The following CYP27A1 variants were observed in gnomAD, a reference collection of about 807,000 sequenced individuals.
CYP27A1 encodes the protein cytochrome P450 family 27 subfamily A member 1, also known as sterol 26-hydroxylase, mitochondrial.
Under a neutral mutation model 58.2 loss-of-function variants are expected in CYP27A1, and 46 were observed. That is an observed-to-expected ratio of 0.79 (90% confidence interval 0.62 to 1.01). The LOEUF is 1.01. Ranked by LOEUF, CYP27A1 falls within the 50% of genes least tolerant of loss-of-function variation. The probability of loss-of-function intolerance (pLI) is 0.00; values close to 1 mark genes in which losing one functional copy is unlikely to be tolerated. For missense variants in CYP27A1, 704 were observed against 687.0 expected (o/e 1.02, Z -0.28); for synonymous variants, 274 against 285.1 (o/e 0.96, Z 0.39).
chr2:218,794,374 C>T (rs1341358413), intron 1 of CYP27A1, among the ~76,000 whole-genome samples: 1 of 152,210 alleles, frequency 6.6e-6, no homozygotes, highest in Non-Finnish European at 1.5e-5. Flanking sequence ...CCCTCAGAGG[C>T]CTAAGGGTCC....
chr2:218,790,655 A>G (rs1176074892), intron 1 of CYP27A1, among the ~76,000 whole-genome samples: 3 of 152,056 alleles, frequency 2.0e-5, no homozygotes, highest in Non-Finnish European at 4.4e-5. Context: ...TATCCTTTAC[A>G]GTAGAATCTG....
Position 218,815,048 on chromosome 2 carries a change from C to A in CYP27A1, c.*18C>A. The stretch of plus-strand genomic sequence containing the variant: ...AGTGCTGAGCTGAGTCTCCGCCTTG[C>A]TGGGGCTTGTCCTAGAGGCTCCAGC... On this transcript the variant is annotated 3_prime_UTR_variant, in exon 9 of 9. Transcript: ENST00000258415. 1.2e-6 allele frequency: 2 copies of A among 1,614,122 alleles called. No individual in the cohort carries two copies. The highest frequency in any genetic ancestry group is 1.7e-6 in the Non-Finnish European group (2 of 1,180,000).
intron 1 of CYP27A1, among the ~76,000 whole-genome samples, chr2:218,792,763 A>G (rs1943505341): frequency 6.6e-6 from 1 of 152,208 alleles, no homozygotes; most frequent in South Asian, 2.1e-4. Context: ...CAATTTTGGA[A>G]CATATATTAA....
chr2:218,800,498 T>TA (rs1337611317), intron 1 of CYP27A1, among the ~76,000 whole-genome samples: 8 of 152,124 alleles, frequency 5.3e-5, no homozygotes, highest in Non-Finnish European at 1.0e-4. Context: ...AAATTACCTT[T>TA]AAAAAAATCA....
rs374122754 is a variant in CYP27A1 at position 218,813,004 on chromosome 2, G to A, written c.925G>A (p.Gly309Ser). The change falls in exon 5 of 9, where the codon GGC becomes AGC. Residue 309 changes from glycine (G) to serine (S), a missense_variant. Physicochemically the swap from Gly to Ser is moderately conservative, Grantham distance 56. Transcript: ENST00000258415. ...AAGPDGIQVS[G>S]YLHFLLASGQ... ...AGGGCCAGATGGCATCCAGGTGTCTGGCTACCTGCACTTCTTACTGGCCAG... is the reference window on the plus strand; with the variant it reads ...AGGGCCAGATGGCATCCAGGTGTCTAGCTACCTGCACTTCTTACTGGCCAG... 1 of 1,614,204 alleles carries A rather than the reference G, an allele frequency of 6.2e-7. No individual in the cohort carries two copies.
At chr2:218,794,443 C>T (rs73990973) in intron 1 of CYP27A1, among the ~76,000 whole-genome samples, 8 of 152,100 alleles carry the variant, frequency 5.3e-5, no homozygotes, top group Non-Finnish European at 1.2e-4. Flanking sequence ...AGTTTGATGG[C>T]CTGAAGGTGA....
At chr2:218,800,289 G>C (rs1943586599) in intron 1 of CYP27A1, among the ~76,000 whole-genome samples, 1 of 152,084 alleles carries the variant, frequency 6.6e-6, no homozygotes, top group Non-Finnish European at 1.5e-5. Flanking sequence ...GCTCAGGGAA[G>C]GCTGAGTCCA....
At chr2:218,810,708 C>T (rs554865881) in intron 2 of CYP27A1, among the ~76,000 whole-genome samples, 5 of 152,144 alleles carry the variant, frequency 3.3e-5, no homozygotes, top group Non-Finnish European at 5.9e-5. Flanking sequence ...TTTGGAACAA[C>T]GTGAAGTCCC....
At chr2:218,792,057 A>G (rs944837549) in intron 1 of CYP27A1, among the ~76,000 whole-genome samples, 1 of 149,092 alleles carries the variant, frequency 6.7e-6, no homozygotes, top group African/African-American at 2.6e-5. Flanking sequence ...AGCAATGTAG[A>G]AGTCACTACA....
chr2:218,812,011 C>T (rs1943721775), intron 2 of CYP27A1, among the ~76,000 whole-genome samples: 2 of 152,200 alleles, frequency 1.3e-5, no homozygotes. Context: ...CCGCCATACC[C>T]ACTTCCACTC....
intron 2 of CYP27A1, among the ~76,000 whole-genome samples, chr2:218,811,859 C>T (rs748592920): frequency 6.6e-6 from 1 of 152,170 alleles, no homozygotes; most frequent in Non-Finnish European, 1.5e-5. Context: ...ATGATGTGAA[C>T]GAGCCTACTC....
rs955265986 is a variant in CYP27A1, at chr2:218,815,230, C to T, written c.*200C>T. 1.6e-5 allele frequency: 10 copies of T among 608,912 alleles called. No individual in the cohort carries two copies. In the African/African-American group the frequency reaches 1.8e-4, roughly 11 times the overall value. 37.7% of individuals were successfully genotyped at this position (608,912 alleles called of 1,614,324 possible). Reference sequence around the variant, plus strand: ...AACTCCCTCTCAGCTAAAAGGCCACCCCTTTATCGCATTGCTGTCCTTGGG... The same window carrying T: ...AACTCCCTCTCAGCTAAAAGGCCACTCCTTTATCGCATTGCTGTCCTTGGG... On this transcript the variant is annotated 3_prime_UTR_variant, in exon 9 of 9. Coordinates refer to ENST00000258415, the MANE Select transcript of CYP27A1 (RefSeq NM_000784.4).
At chr2:218,795,231 A>G (rs971067752) in intron 1 of CYP27A1, among the ~76,000 whole-genome samples, 1 of 152,212 alleles carries the variant, frequency 6.6e-6, no homozygotes, top group Admixed American at 6.5e-5. Flanking sequence ...AACCTCTGTT[A>G]TCATCTGCCT....
At position 218,815,196 on chromosome 2, in the gene CYP27A1, T is replaced by C; in HGVS notation, c.*166T>C. ...CCCTGAGCTTTTGCCACTTCTATCA[T>C]TTTTGAGCAACTCCCTCTCAGCTAA... On this transcript the variant is annotated 3_prime_UTR_variant, in exon 9 of 9. Transcript: ENST00000258415. 1 of 736,788 alleles carries C rather than the reference T, an allele frequency of 1.4e-6. No individual in the cohort carries two copies. The highest frequency in any genetic ancestry group is 2.3e-5 in the Admixed American group (1 of 43,432). 45.6% of individuals were successfully genotyped at this position (736,788 alleles called of 1,614,324 possible).
At position 218,815,154 on chromosome 2, in the gene CYP27A1, G is replaced by A; in HGVS notation, c.*124G>A. ...AGGCCGCCAGACTCGAGAGGTGGGA[G>A]GAACTCCTTGCACACACCCTGAGCT... On this transcript the variant is annotated 3_prime_UTR_variant, in exon 9 of 9. Coordinates refer to ENST00000258415, the MANE Select transcript of CYP27A1 (RefSeq NM_000784.4). The A allele has an allele frequency of 1.7e-6, 2 of 1,188,576 alleles. No homozygotes were observed. The highest frequency in any genetic ancestry group is 1.2e-6 in the Non-Finnish European group (1 of 819,892). 73.6% of individuals were successfully genotyped at this position (1,188,576 alleles called of 1,614,324 possible).
chr2:218,815,273 G>A lies in CYP27A1; in HGVS notation c.*243G>A, dbSNP rs987402367. On this transcript the variant is annotated 3_prime_UTR_variant, in exon 9 of 9. Coordinates refer to ENST00000258415, the MANE Select transcript of CYP27A1 (RefSeq NM_000784.4). ...TCCTTGGGTAGAATATAAAATAAAG[G>A]GACTTTTATTTCTTATTGGAGACCT... is the stretch of plus-strand genomic sequence containing the variant. The A allele has an allele frequency of 1.3e-5, 7 of 523,506 alleles. No homozygotes were observed. The African/African-American group carries it at 1.3e-4, about 10-fold the overall frequency. The allele number at this position is 523,506 out of a possible 1,614,324, so 32.4% of individuals were successfully genotyped here. A position where few individuals can be genotyped will look rare whatever the true frequency, so the allele number is the denominator to read the frequency against.
Position 218,812,384 on chromosome 2 carries a change from G to A in CYP27A1, c.609G>A (p.Ser203=), listed in dbSNP as rs148132118. The part of the protein sequence containing the change: ...RAESASGNQV[S]DMAQLFYYFA... ...AGAGTGCTTCGGGGAACCAGGTGTC[G>A]GACATGGCTCAACTCTTCTACTACT... The change falls in exon 3 of 9, where the codon TCG becomes TCA. Residue 203 remains serine, a synonymous_variant. Transcript: ENST00000258415. The A allele has an allele frequency of 6.6e-5, 107 of 1,614,180 alleles. No homozygotes were observed. In the African/African-American group the frequency reaches 7.9e-4, roughly 12 times the overall value.
At chr2:218,814,496 C>T (rs1164056107) in intron 7 of CYP27A1, 38 bp downstream of exon 7, 3 of 1,613,148 alleles carry the variant, frequency 1.9e-6, no homozygotes, top group South Asian at 2.2e-5. Context: ...CCAGGAGTGC[C>T]CTATGCCCCC....
Position 218,809,756 on chromosome 2 carries a change from G to T in CYP27A1, c.435G>T (p.Gly145=), listed in dbSNP as rs587778796. 9.3e-6 allele frequency: 15 copies of T among 1,613,166 alleles called. No individual in the cohort carries two copies. The East Asian group carries it at 3.3e-4, about 36-fold the overall frequency. The change falls in exon 2 of 9, where the codon GGG becomes GGT. Residue 145 remains glycine (G), a synonymous_variant. Coordinates refer to ENST00000258415, the MANE Select transcript of CYP27A1 (RefSeq NM_000784.4). Reference sequence around the variant, plus strand: ...GGGACCAGCACGACCTGACCTATGGGCCGTTCACCACGTGAGCTGGGGCCT... The same window carrying T: ...GGGACCAGCACGACCTGACCTATGGTCCGTTCACCACGTGAGCTGGGGCCT... ...EHRDQHDLTY[G]PFTTEGHHWY...
Sources: allele counts gnomAD v4.1 joint callset (sites outside exome capture counted in the v4.1 genomes callset), GRCh38; gene constraint gnomAD v4.1.1; transcripts MANE v1.5; gene names NCBI Gene and HGNC (gene_info 2026-07-23, HGNC 2026-07-21).